Variants in SETD2 observed in about 807,000 individuals in gnomAD.
The protein encoded by SETD2 is SET domain containing 2, histone lysine methyltransferase, also known as histone-lysine N-methyltransferase SETD2.
Under a neutral mutation model 242.1 loss-of-function variants are expected in SETD2, and 31 were observed. That is an observed-to-expected ratio of 0.13 (90% CI 0.10 to 0.17). The LOEUF (loss-of-function observed/expected upper bound fraction) is 0.17. Ranked by LOEUF, SETD2 falls within the 10% of genes least tolerant of loss-of-function variation. SETD2 has a pLI of 1.00. For missense variants in SETD2, 2,481 were observed against 3,046.3 expected (o/e 0.81, Z 4.37); for synonymous variants, 1,006 against 1,066.5 (o/e 0.94, Z 1.11).
intron 15 of SETD2, among the ~76,000 whole-genome samples, chr3:47,056,607 G>A (rs1213965388): frequency 6.6e-6 from 1 of 152,136 alleles, no homozygotes; most frequent in East Asian, 1.9e-4. Flanking sequence ...GGAAAACCCT[G>A]AGCCAGATCC....
At chr3:47,080,080 G>A (rs1233630145) in intron 12 of SETD2, among the ~76,000 whole-genome samples, 4 of 152,170 alleles carry the variant, frequency 2.6e-5, no homozygotes, top group African/African-American at 4.8e-5. Flanking sequence ...CAATATTAGC[G>A]AGGGAGTGAA....
chr3:47,145,878 T>G (rs1342913973), intron 1 of SETD2, among the ~76,000 whole-genome samples: 2 of 151,788 alleles, frequency 1.3e-5, no homozygotes, highest in East Asian at 3.9e-4. Flanking sequence ...TAGCTGGGTA[T>G]AGTGGCTTAC....
intron 9 of SETD2, among the ~76,000 whole-genome samples, chr3:47,095,336 A>G (rs554059048): frequency 9.5e-4 from 144 of 152,148 alleles, no homozygotes; most frequent in African/African-American, 3.0e-3. Flanking sequence ...GGGTTTCACC[A>G]TGTTGGCCAG....
intron 9 of SETD2, among the ~76,000 whole-genome samples, chr3:47,096,585 AAAAAAAAAAAAG>A (rs1559715260): frequency 4.9e-5 from 2 of 40,416 alleles, no homozygotes; most frequent in African/African-American, 5.3e-5. Context: ...AAAAAAAAAA[AAAAAAAAAAAAG>A]GGGGGCTGGG....
intron 1 of SETD2, chr3:47,157,505 T>C (rs955781190): frequency 5.7e-5 from 26 of 455,982 alleles, no homozygotes; most frequent in African/African-American, 2.4e-4. Context: ...TTGACCAAAT[T>C]TGCCATACTT....
At chr3:47,087,425 C>T (rs1478621661) in intron 10 of SETD2, among the ~76,000 whole-genome samples, 1 of 152,078 alleles carries the variant, frequency 6.6e-6, no homozygotes, top group African/African-American at 2.4e-5. Flanking sequence ...CTAGATCTCT[C>T]GCATGTGCAG....
rs781656896 is a variant in SETD2 at position 47,086,306 on chromosome 3, G to A, written c.5286C>T (p.His1762=). The A allele has an allele frequency of 1.9e-6, 3 of 1,612,160 alleles. No individual in the cohort carries two copies. Among genetic ancestry groups the A allele is most frequent in the Admixed American group, 3.3e-5 (2 of 59,940 alleles). The change falls in exon 11 of 21, where the codon CAC becomes CAT. Residue 1762 remains histidine (H), a synonymous_variant. Coordinates refer to ENST00000409792, the MANE Select transcript of SETD2 (RefSeq NM_014159.7). ...LTCLELIQNT[H]SQSCLKSFLE... The stretch of plus-strand genomic sequence containing the variant: ...GAAAGGACTTCAGGCAGGACTGTGA[G>A]TGTGTGTTCTTTCATGGGGGAAGGG...
At chr3:47,156,787 CAT>C (rs1332798914) in intron 1 of SETD2, among the ~76,000 whole-genome samples, 1 of 152,164 alleles carries the variant, frequency 6.6e-6, no homozygotes, top group Non-Finnish European at 1.5e-5. Context: ...CTGGTAACCA[CAT>C]GATACTTTCT....
chr3:47,059,078 G>A (rs2040215543), intron 14 of SETD2, among the ~76,000 whole-genome samples: 1 of 150,782 alleles, frequency 6.6e-6, no homozygotes, highest in African/African-American at 2.4e-5. Flanking sequence ...CAAAGTGCTG[G>A]GATTACAGGT....
intron 15 of SETD2, among the ~76,000 whole-genome samples, chr3:47,052,247 T>C (rs2039879198): frequency 6.6e-6 from 1 of 152,292 alleles, no homozygotes; most frequent in South Asian, 2.1e-4. Context: ...CTCGGCTTAC[T>C]GCAGCCTCAA....
intron 11 of SETD2, among the ~76,000 whole-genome samples, chr3:47,085,045 T>G (rs974750200): frequency 6.6e-6 from 1 of 152,154 alleles, no homozygotes; most frequent in East Asian, 1.9e-4. Flanking sequence ...AGTTGACTTT[T>G]TCAATTTCTG....
intron 5 of SETD2, among the ~76,000 whole-genome samples, chr3:47,112,378 T>A (rs2042690809): frequency 6.6e-6 from 1 of 152,076 alleles, no homozygotes; most frequent in Admixed American, 6.6e-5. Context: ...GCTTCCCCGG[T>A]TCAAGAGATT....
At chr3:47,048,198 G>C (rs1239874159) in intron 15 of SETD2, among the ~76,000 whole-genome samples, 2 of 152,172 alleles carry the variant, frequency 1.3e-5, no homozygotes, top group Non-Finnish European at 2.9e-5. Context: ...GACCATCCTG[G>C]CTAACACGGT....
chr3:47,060,814 A>G (rs781077780), intron 14 of SETD2, among the ~76,000 whole-genome samples: 1 of 152,222 alleles, frequency 6.6e-6, no homozygotes, highest in Non-Finnish European at 1.5e-5. Context: ...CAAGCCGTAA[A>G]CTGGGAGAAG....
At chr3:47,162,155 A>T (rs560849758) in intron 1 of SETD2, among the ~76,000 whole-genome samples, 1 of 152,200 alleles carries the variant, frequency 6.6e-6, no homozygotes, top group South Asian at 2.1e-4. Flanking sequence ...GTGATCCTTA[A>T]AGCTTCCGGA....
intron 15 of SETD2, among the ~76,000 whole-genome samples, chr3:47,049,584 G>A (rs1039534410): frequency 6.8e-6 from 1 of 146,864 alleles, no homozygotes; most frequent in African/African-American, 2.5e-5. Context: ...TTGTTAGCCA[G>A]GATGGCCTCG....
At chr3:47,026,418 C>T (rs1048033492) in intron 18 of SETD2, among the ~76,000 whole-genome samples, 1 of 152,088 alleles carries the variant, frequency 6.6e-6, no homozygotes, top group Non-Finnish European at 1.5e-5. Context: ...GATCTAGAAC[C>T]AGAAATACCA....
chr3:47,113,329 T>C (rs1332048421), intron 5 of SETD2, among the ~76,000 whole-genome samples: 7 of 152,184 alleles, frequency 4.6e-5, no homozygotes, highest in Non-Finnish European at 1.0e-4. Context: ...TCCCAACTTC[T>C]TTTTATATAG....
intron 18 of SETD2, among the ~76,000 whole-genome samples, chr3:47,024,257 G>C (rs1006783130): frequency 6.6e-6 from 1 of 152,028 alleles, no homozygotes; most frequent in East Asian, 1.9e-4. Flanking sequence ...TGGATCACGA[G>C]GTCAGGAGAT....
Sources: allele counts gnomAD v4.1 joint callset (sites outside exome capture counted in the v4.1 genomes callset), GRCh38; gene constraint gnomAD v4.1.1; transcripts MANE v1.5; gene names NCBI Gene and HGNC (gene_info 2026-07-23, HGNC 2026-07-21).